The following RPS6KC1 variants were observed in gnomAD, a reference collection of about 807,000 sequenced individuals.
The protein encoded by RPS6KC1 is inactive ribosomal protein S6 kinase delta-1.
RPS6KC1 carries 54 observed loss-of-function variants against 103.8 expected under a neutral mutation model. The observed-to-expected ratio is 0.52, with a 90% CI of 0.42 to 0.65. The LOEUF is 0.65. Among genes scored for constraint, RPS6KC1 ranks in the 30% least tolerant of loss-of-function variants. The pLI is 0.00. For missense variants in RPS6KC1, 1,151 were observed against 1,253.8 expected (o/e 0.92, Z 1.24); for synonymous variants, 439 against 438.7 (o/e 1.00, Z -0.01).
At chr1:213,730,481 G>A in the RPS6KC1 span, among the ~76,000 whole-genome samples, 2 of 152,108 alleles carry the variant, frequency 1.3e-5, no homozygotes, top group Non-Finnish European at 2.9e-5. Context: ...GTGTGAGATG[G>A]TATCTCATTG....
At chr1:213,401,440 G>C in the RPS6KC1 span, among the ~76,000 whole-genome samples, 2 of 152,350 alleles carry the variant, frequency 1.3e-5, no homozygotes, top group South Asian at 2.1e-4. Flanking sequence ...TACTGTTGGG[G>C]CTGAGTTGTT....
intron 6 of RPS6KC1, among the ~76,000 whole-genome samples, chr1:213,141,952 C>G (rs1355293164): frequency 1.3e-5 from 2 of 151,660 alleles, no homozygotes; most frequent in African/African-American, 4.8e-5. Context: ...AATTATCTGT[C>G]TAGTTCTGTC....
intron 14 of RPS6KC1, 117 bp downstream of exon 14, chr1:213,262,933 CAAA>C (rs2094832778): frequency 2.8e-6 from 2 of 709,538 alleles, no homozygotes; most frequent in East Asian, 5.1e-5. Flanking sequence ...TAACGTAAAA[CAAA>C]GACACGTTCA....
the RPS6KC1 span, among the ~76,000 whole-genome samples, chr1:213,780,087 T>A: frequency 6.6e-6 from 1 of 152,326 alleles, no homozygotes; most frequent in African/African-American, 2.4e-5. Context: ...TAACTAATGT[T>A]AATTATCATT....
At chr1:213,776,523 CA>C in the RPS6KC1 span, among the ~76,000 whole-genome samples, 40 of 152,238 alleles carry the variant, frequency 2.6e-4, no homozygotes, top group African/African-American at 9.4e-4. Flanking sequence ...GAGCTTAAAA[CA>C]GTCAGTAAAC....
chr1:213,759,145 A>G, the RPS6KC1 span, among the ~76,000 whole-genome samples: 2 of 152,218 alleles, frequency 1.3e-5, no homozygotes, highest in Non-Finnish European at 2.9e-5. Context: ...CTGATCAGTC[A>G]GCAGCCATCA....
the RPS6KC1 span, among the ~76,000 whole-genome samples, chr1:213,497,761 T>C: frequency 6.6e-6 from 1 of 152,048 alleles, no homozygotes; most frequent in Non-Finnish European, 1.5e-5. Flanking sequence ...AAGTAGTTAG[T>C]AAATAGTTCC....
chr1:213,853,451 C>A, the RPS6KC1 span, among the ~76,000 whole-genome samples: 1 of 152,198 alleles, frequency 6.6e-6, no homozygotes, highest in Non-Finnish European at 1.5e-5. Context: ...CTATCCAGAA[C>A]AATGTGATCT....
the RPS6KC1 span, among the ~76,000 whole-genome samples, chr1:213,719,764 C>T: frequency 2.4e-4 from 37 of 152,080 alleles, no homozygotes; most frequent in Non-Finnish European, 1.5e-5. Flanking sequence ...GCAAGGGTGC[C>T]CAGGTGTCAT....
chr1:213,569,276 C>T, the RPS6KC1 span, among the ~76,000 whole-genome samples: 3 of 152,126 alleles, frequency 2.0e-5, no homozygotes, highest in South Asian at 2.1e-4. Context: ...GTCATGTTTC[C>T]GCTTGCTCAT....
the RPS6KC1 span, among the ~76,000 whole-genome samples, chr1:213,605,827 T>G: frequency 6.6e-6 from 1 of 151,768 alleles, no homozygotes; most frequent in African/African-American, 2.4e-5. Flanking sequence ...CTCTGGTGGG[T>G]AAGGAGGGGA....
chr1:213,581,471 A>G, the RPS6KC1 span, among the ~76,000 whole-genome samples: 1 of 152,100 alleles, frequency 6.6e-6, no homozygotes, highest in Admixed American at 6.5e-5. Flanking sequence ...GTCCGATCCC[A>G]GGAAGAACTC....
chr1:213,638,190 T>A, the RPS6KC1 span, among the ~76,000 whole-genome samples: 1 of 152,170 alleles, frequency 6.6e-6, no homozygotes, highest in African/African-American at 2.4e-5. Context: ...CCTATAGGTA[T>A]CTTTTTTGAT....
intron 3 of RPS6KC1, among the ~76,000 whole-genome samples, chr1:213,087,698 T>C (rs1488354488): frequency 6.6e-6 from 1 of 152,176 alleles, no homozygotes; most frequent in Non-Finnish European, 1.5e-5. Flanking sequence ...CTTGATAAGC[T>C]TGCAGGCTCA....
rs1333829333 is a variant in RPS6KC1 at position 213,272,950 on chromosome 1, G to A, written c.*316G>A. The A allele has an allele frequency of 5.0e-6, 1 of 201,670 alleles. No homozygotes were observed. 12.5% of individuals were successfully genotyped at this position (201,670 alleles called of 1,614,324 possible). A position where few individuals can be genotyped will look rare whatever the true frequency, so the allele number is the denominator to read the frequency against. ...CTTCAAGAAGTTCCTCTGATAGGAA[G>A]CTAGAAGTGTAGAATGAAGTTTTAC... On this transcript the variant is annotated 3_prime_UTR_variant, in exon 15 of 15. Transcript: ENST00000366960.
chr1:213,140,616 T>A (rs968816267), intron 6 of RPS6KC1, among the ~76,000 whole-genome samples: 1 of 152,118 alleles, frequency 6.6e-6, no homozygotes, highest in African/African-American at 2.4e-5. Context: ...CATTTTTAGT[T>A]CTATTTATGT....
At chr1:213,527,408 C>T in the RPS6KC1 span, among the ~76,000 whole-genome samples, 1 of 152,178 alleles carries the variant, frequency 6.6e-6, no homozygotes, top group Non-Finnish European at 1.5e-5. Context: ...GCTAGAACCC[C>T]AGAGTCAGTA....
At chr1:213,150,855 G>C (rs953102203) in intron 6 of RPS6KC1, among the ~76,000 whole-genome samples, 12 of 152,160 alleles carry the variant, frequency 7.9e-5, no homozygotes, top group African/African-American at 2.9e-4. Flanking sequence ...GGTGGTGGCC[G>C]GGCAGAGGGG....
the RPS6KC1 span, among the ~76,000 whole-genome samples, chr1:213,311,161 C>T: frequency 8.8e-5 from 13 of 146,950 alleles, no homozygotes; most frequent in African/African-American, 2.8e-4. Context: ...TTTTTTGAGA[C>T]GGAGTCTCGC....
Sources: allele counts gnomAD v4.1 joint callset (sites outside exome capture counted in the v4.1 genomes callset), GRCh38; gene constraint gnomAD v4.1.1; transcripts MANE v1.5; gene names NCBI Gene and HGNC (gene_info 2026-07-23, HGNC 2026-07-21).